Variants in IL19 observed in about 807,000 individuals in gnomAD.
The protein encoded by IL19 is interleukin 19, also known as interleukin-19.
A neutral mutation model predicts 19.5 loss-of-function variants in IL19; 15 were observed. That is an observed-to-expected ratio of 0.77 (90% CI 0.52 to 1.19). IL19 has a LOEUF of 1.19. Among genes scored for constraint, IL19 ranks in the 50% most tolerant of loss-of-function variants. IL19 has a pLI of 0.00. For synonymous variants in IL19, 78 were observed against 78.3 expected (o/e 1.00, Z 0.02); for missense variants, 199 against 213.1 (o/e 0.93, Z 0.41).
chr1:206,778,226 C>T (rs45466994), intron 1 of IL19, among the ~76,000 whole-genome samples: 42 of 152,288 alleles, frequency 2.8e-4, no homozygotes, highest in Admixed American at 4.6e-4. Context: ...GTGGAATTCC[C>T]CTTTGTGCAA....
At chr1:206,841,602 C>A (rs1677021836) in intron 6 of IL19, among the ~76,000 whole-genome samples, 1 of 152,190 alleles carries the variant, frequency 6.6e-6, no homozygotes, top group African/African-American at 2.4e-5. Flanking sequence ...TCTGGCTCAG[C>A]AGGGCTGGGA....
At chr1:206,807,973 T>C (rs1675892468) in intron 2 of IL19, among the ~76,000 whole-genome samples, 1 of 152,258 alleles carries the variant, frequency 6.6e-6, no homozygotes, top group Admixed American at 6.5e-5. Context: ...GCAGAAAGCA[T>C]ATTTAAAACA....
At chr1:206,820,758 G>A (rs1676272171) in intron 2 of IL19, among the ~76,000 whole-genome samples, 1 of 152,234 alleles carries the variant, frequency 6.6e-6, no homozygotes, top group East Asian at 1.9e-4. Context: ...GGTTCCTCTA[G>A]CACAACTCTG....
chr1:206,811,743 A>G (rs1009198479), intron 2 of IL19, among the ~76,000 whole-genome samples: 5 of 152,150 alleles, frequency 3.3e-5, no homozygotes, highest in African/African-American at 1.2e-4. Flanking sequence ...TGCCAACTAA[A>G]GTAAGCCTCT....
chr1:206,802,299 C>T (rs767631162), intron 2 of IL19, among the ~76,000 whole-genome samples: 8 of 152,040 alleles, frequency 5.3e-5, no homozygotes, highest in Non-Finnish European at 8.8e-5. Context: ...CTGGTGCCTA[C>T]AGTAAGTCAG....
At chr1:206,799,345 G>A (rs2102459758) in intron 2 of IL19, among the ~76,000 whole-genome samples, 1 of 152,238 alleles carries the variant, frequency 6.6e-6, no homozygotes, top group South Asian at 2.1e-4. Context: ...GTTGCTAGCT[G>A]CAATGGTACA....
chr1:206,831,540 C>T (rs1023592270), intron 2 of IL19, among the ~76,000 whole-genome samples: 1 of 152,108 alleles, frequency 6.6e-6, no homozygotes, highest in Non-Finnish European at 1.5e-5. Context: ...TTATTGTTCC[C>T]CCTTCTTCCT....
chr1:206,830,617 T>C (rs1316027876), intron 2 of IL19, among the ~76,000 whole-genome samples: 1 of 152,050 alleles, frequency 6.6e-6, no homozygotes, highest in East Asian at 1.9e-4. Flanking sequence ...CTTGCTCTGT[T>C]GCCCAGGCTG....
chr1:206,780,547 T>C (rs1675105704), intron 1 of IL19, among the ~76,000 whole-genome samples: 1 of 152,226 alleles, frequency 6.6e-6, no homozygotes, highest in Non-Finnish European at 1.5e-5. Context: ...TGATTACTAA[T>C]TAGTGCTCTT....
At chr1:206,793,703 C>T (rs377280643) in intron 1 of IL19, among the ~76,000 whole-genome samples, 12 of 152,142 alleles carry the variant, frequency 7.9e-5, no homozygotes, top group South Asian at 4.1e-4. Flanking sequence ...GAAAAAAACA[C>T]GAGGCAGAAA....
chr1:206,840,342 C>A, intron 5 of IL19: 1 of 408,402 alleles, frequency 2.4e-6, no homozygotes, highest in South Asian at 2.1e-5. Context: ...GGTGTCTTTA[C>A]ATCAATAAAC....
intron 3 of IL19, 54 bp downstream of exon 3, chr1:206,836,860 T>C: frequency 6.2e-7 from 1 of 1,609,392 alleles, no homozygotes. Flanking sequence ...TCCCCTTACA[T>C]CTTAGCTTGA....
intron 2 of IL19, among the ~76,000 whole-genome samples, chr1:206,830,760 G>A (rs1332000760): frequency 2.0e-5 from 3 of 152,108 alleles, no homozygotes; most frequent in East Asian, 1.9e-4. Context: ...TGTATTTTTA[G>A]TAGAGACGGG....
chr1:206,781,071 A>C (rs1675116711), intron 1 of IL19, among the ~76,000 whole-genome samples: 1 of 152,132 alleles, frequency 6.6e-6, no homozygotes, highest in Admixed American at 6.6e-5. Context: ...CATGAGTGTC[A>C]CAGTGTTATA....
In IL19 at chr1:206,799,010, A is replaced by G; in HGVS notation, c.-3+4A>G. 1 of 1,594,520 alleles carries G rather than the reference A, an allele frequency of 6.3e-7. No homozygotes were observed. The highest frequency in any genetic ancestry group is 8.6e-7 in the Non-Finnish European group (1 of 1,162,288). On this transcript the variant is annotated splice_donor_region_variant and intron_variant, in intron 2 of 6. Transcript: ENST00000659997. ...CTTTGGGGCTCTGTTCCACGGGGTAAGTAATTTCTGCTATAGGGACCCTGG... is the reference window on the plus strand; with the variant it reads ...CTTTGGGGCTCTGTTCCACGGGGTAGGTAATTTCTGCTATAGGGACCCTGG...
At chr1:206,836,872 AAT>A in intron 3 of IL19, 66 bp downstream of exon 3, 1 of 1,606,952 alleles carries the variant, frequency 6.2e-7, no homozygotes, top group Non-Finnish European at 8.5e-7. Context: ...TTAGCTTGAA[AAT>A]GAGTTCCTTC....
chr1:206,784,542 C>T (rs1253269867), intron 1 of IL19, among the ~76,000 whole-genome samples: 3 of 152,176 alleles, frequency 2.0e-5, no homozygotes, highest in Non-Finnish European at 2.9e-5. Context: ...AATCCTGGCC[C>T]CCAGCACTTT....
rs1674832037 is a variant in IL19, at chr1:206,771,328, TC to T, written c.-149+255del. ...CCCTTCCCTTAATCATGCTGCACAC[TC>T]CCCCAGCACCCCGCCCCTGCTCTCA... On this transcript the variant is annotated intron_variant, in intron 1 of 6. Transcript: ENST00000659997. The T allele has an allele frequency of 3.1e-6, 5 of 1,596,220 alleles. No individual in the cohort carries two copies. In the Admixed American group the frequency reaches 5.0e-5, roughly 16 times the overall value.
At chr1:206,773,505 C>T (rs1674914182) in intron 1 of IL19, among the ~76,000 whole-genome samples, 1 of 151,944 alleles carries the variant, frequency 6.6e-6, no homozygotes, top group Non-Finnish European at 1.5e-5. Flanking sequence ...TCCATGGAGG[C>T]TGGATAGGAG....
Sources: allele counts gnomAD v4.1 joint callset (sites outside exome capture counted in the v4.1 genomes callset), GRCh38; gene constraint gnomAD v4.1.1; transcripts MANE v1.5; gene names NCBI Gene and HGNC (gene_info 2026-07-23, HGNC 2026-07-21).